TYR: variants seen among roughly 807,000 people sequenced by gnomAD.
TYR encodes tyrosinase.
Under a neutral mutation model 51.5 loss-of-function variants are expected in TYR, and 58 were observed. The observed-to-expected ratio is 1.13, with a 90% confidence interval of 0.91 to 1.40. The LOEUF (loss-of-function observed/expected upper bound fraction) is 1.40, where lower values mean the gene tolerates loss of function less well. Among genes scored for constraint, TYR ranks in the 40% most tolerant of loss-of-function variants. The pLI is 0.00. For missense variants in TYR, 732 were observed against 647.4 expected, an observed-to-expected ratio of 1.13 and a Z score of -1.42; for synonymous variants, 263 against 235.2, an observed-to-expected ratio of 1.12 and a Z score of -1.08.
intron 2 of TYR, among the ~76,000 whole-genome samples, chr11:89,213,661 T>A (rs1020223137): frequency 1.3e-5 from 2 of 152,140 alleles, no homozygotes; most frequent in Non-Finnish European, 2.9e-5. Context: ...AGATCAAAGC[T>A]GGAGGCATCA....
At chr11:89,201,267 C>T (rs934426638) in intron 2 of TYR, among the ~76,000 whole-genome samples, 45 of 151,848 alleles carry the variant, frequency 3.0e-4, no homozygotes, top group Admixed American at 2.3e-3. Context: ...GTTTAAGTGA[C>T]AGACTTGCTT....
intron 3 of TYR, among the ~76,000 whole-genome samples, chr11:89,267,660 T>C (rs557945811): frequency 1.3e-5 from 2 of 152,122 alleles, no homozygotes; most frequent in East Asian, 1.9e-4. Context: ...ACAGGCACGA[T>C]TCTCTTTTCT....
At chr11:89,265,396 T>C (rs772678111) in intron 3 of TYR, among the ~76,000 whole-genome samples, 1 of 152,070 alleles carries the variant, frequency 6.6e-6, no homozygotes, top group African/African-American at 2.4e-5. Context: ...CCTTCGCCAC[T>C]TGGCTGTGGA....
intron 2 of TYR, among the ~76,000 whole-genome samples, chr11:89,203,666 G>C (rs892679068): frequency 6.6e-6 from 1 of 152,102 alleles, no homozygotes; most frequent in Non-Finnish European, 1.5e-5. Flanking sequence ...GTATGATGGT[G>C]AGTCCCCTGG....
chr11:89,195,576 G>T (rs1943507116), intron 2 of TYR, among the ~76,000 whole-genome samples: 2 of 152,110 alleles, frequency 1.3e-5, no homozygotes, highest in Non-Finnish European at 1.5e-5. Flanking sequence ...CTACTTGGGA[G>T]GCTGAGGCAG....
chr11:89,178,630 C>G lies in TYR; in HGVS notation c.677C>G (p.Thr226Arg). The part of the protein sequence containing the change: ...LRWEQEIQKL[T>R]GDENFTIPYW... ...TGGGAACAAGAAATCCAGAAGCTGA[C>G]AGGAGATGAAAACTTCACTATTCCA... Residue 226 changes from threonine to arginine, a missense_variant, in exon 1 of 5, where the codon ACA becomes AGA. Thr to Arg is a moderately conservative substitution (Grantham distance 71, BLOSUM62 -1). Coordinates refer to ENST00000263321, the MANE Select transcript of TYR (RefSeq NM_000372.5). The G allele has an allele frequency of 6.2e-7, 1 of 1,612,440 alleles. No individual in the cohort carries two copies. Among genetic ancestry groups the G allele is most frequent in the East Asian group, 2.2e-5 (1 of 44,846 alleles).
In TYR at chr11:89,294,452, C is replaced by T. The variant is rs577649071; in HGVS notation, c.1367-691C>T. ...AGTCCTGAGGCCTATAAAGGCCAGGCCCCTGCCCTCCAGCAGGGAGTGCGT... is the reference window on the plus strand; with the variant it reads ...AGTCCTGAGGCCTATAAAGGCCAGGTCCCTGCCCTCCAGCAGGGAGTGCGT... On this transcript the variant is annotated intron_variant, in intron 4 of 4. Transcript: ENST00000263321. 2.6e-5 allele frequency among the ~76,000 whole-genome samples: 4 copies of T among 152,282 alleles called. No individual in the cohort carries two copies. In the East Asian group the frequency reaches 7.7e-4, roughly 29 times the overall value.
At chr11:89,207,446 A>G (rs1378780521) in intron 2 of TYR, among the ~76,000 whole-genome samples, 1 of 152,180 alleles carries the variant, frequency 6.6e-6, no homozygotes, top group Non-Finnish European at 1.5e-5. Flanking sequence ...GAATAGCCCT[A>G]TAAATGTAAA....
chr11:89,193,969 A>G (rs1203946274), intron 2 of TYR, among the ~76,000 whole-genome samples: 2 of 152,156 alleles, frequency 1.3e-5, no homozygotes, highest in Non-Finnish European at 2.9e-5. Context: ...TCCTAAGAAT[A>G]GGAATAGACT....
chr11:89,214,197 A>G (rs543470611), intron 2 of TYR, among the ~76,000 whole-genome samples: 1 of 151,270 alleles, frequency 6.6e-6, no homozygotes, highest in East Asian at 1.9e-4. Context: ...ACAAAGGGCT[A>G]ATGTCCATCA....
At chr11:89,223,206 A>G (rs1289093928) in intron 2 of TYR, among the ~76,000 whole-genome samples, 1 of 152,224 alleles carries the variant, frequency 6.6e-6, no homozygotes, top group African/African-American at 2.4e-5. Flanking sequence ...AACTGAGGTA[A>G]TGATAATATT....
chr11:89,265,218 AC>A (rs1346808929), intron 3 of TYR, among the ~76,000 whole-genome samples: 1 of 152,072 alleles, frequency 6.6e-6, no homozygotes, highest in Non-Finnish European at 1.5e-5. Context: ...GGAGATAAAA[AC>A]AATGATTCTC....
rs565687925 is a variant in TYR at position 89,270,348 on chromosome 11, C to T, written c.1185-14425C>T. On this transcript the variant is annotated intron_variant, in intron 3 of 4. Transcript: ENST00000263321. ...GGGCACCTTGACCGACACCACTCAA[C>T]CCTCATCCAAGTGGATACTAACTCC... is the stretch of plus-strand genomic sequence containing the variant. Among the ~76,000 whole-genome samples, 9 of 151,996 alleles carry T rather than the reference C, an allele frequency of 5.9e-5. No homozygotes were observed. The East Asian group carries it at 1.6e-3, about 26-fold the overall frequency.
chr11:89,246,477 C>T (rs1326499815), intron 3 of TYR, among the ~76,000 whole-genome samples: 1 of 152,168 alleles, frequency 6.6e-6, no homozygotes, highest in Admixed American at 6.5e-5. Context: ...GTTCTTTACT[C>T]ACTGTACTCT....
chr11:89,251,764 G>A (rs1944333042), intron 3 of TYR, among the ~76,000 whole-genome samples: 1 of 151,716 alleles, frequency 6.6e-6, no homozygotes, highest in Non-Finnish European at 1.5e-5. Context: ...TACCAAACCA[G>A]GAATCAATTG....
At chr11:89,273,753 T>C (rs188945672) in intron 3 of TYR, among the ~76,000 whole-genome samples, 102 of 152,000 alleles carry the variant, frequency 6.7e-4, no homozygotes, top group African/African-American at 2.2e-3. Context: ...AACATAATTT[T>C]TTTTTCTCAC....
intron 3 of TYR, among the ~76,000 whole-genome samples, chr11:89,235,438 G>C (rs1474229700): frequency 6.6e-6 from 1 of 151,998 alleles, no homozygotes; most frequent in African/African-American, 2.4e-5. Flanking sequence ...TCCATAATTG[G>C]GCAAATGGGT....
At chr11:89,180,671 A>G (rs774985430) in intron 1 of TYR, among the ~76,000 whole-genome samples, 3 of 152,176 alleles carry the variant, frequency 2.0e-5, no homozygotes, top group Non-Finnish European at 2.9e-5. Flanking sequence ...AAATAAAATT[A>G]GAAAACAGAG....
intron 2 of TYR, among the ~76,000 whole-genome samples, chr11:89,215,075 T>C (rs1312395969): frequency 1.3e-5 from 2 of 152,062 alleles, no homozygotes; most frequent in Non-Finnish European, 2.9e-5. Context: ...AACTTGCTAT[T>C]AAAATATTTG....
Sources: gnomAD v4.1 joint callset for allele counts (sites outside exome capture counted in the v4.1 genomes callset) on GRCh38, gnomAD v4.1.1 for gene constraint, MANE v1.5 for transcripts, NCBI Gene and HGNC (gene_info 2026-07-23, HGNC 2026-07-21) for gene names.